Variants in HSD17B2 observed in about 807,000 individuals in gnomAD.
The protein encoded by HSD17B2 is hydroxysteroid 17-beta dehydrogenase 2.
A neutral mutation model predicts 26.9 loss-of-function variants in HSD17B2; 32 were observed. The observed-to-expected ratio is 1.19, with a 90% CI of 0.90 to 1.60. HSD17B2 has a LOEUF of 1.60. HSD17B2 is among the 40% of genes most tolerant of loss of function. HSD17B2 has a pLI of 0.00. For missense variants in HSD17B2, 613 were observed against 468.6 expected (o/e 1.31, Z -2.85); for synonymous variants, 246 against 186.7 (o/e 1.32, Z -2.59).
chr16:82,069,360 G>A (rs563237550), intron 2 of HSD17B2, among the ~76,000 whole-genome samples: 2 of 152,172 alleles, frequency 1.3e-5, no homozygotes, highest in South Asian at 4.2e-4. Flanking sequence ...TTGTGACTAG[G>A]GCTGCAACGA....
rs1218131025 is a variant in HSD17B2 at position 82,071,136 on chromosome 16, G to C, written c.664+9G>C. Reference sequence around the variant, plus strand: ...TGTCAGCAGCATGGGAGGTGAGTCAGCATTTTCACACATGGTCATGGGGTG... The same window carrying C: ...TGTCAGCAGCATGGGAGGTGAGTCACCATTTTCACACATGGTCATGGGGTG... On this transcript the variant is annotated intron_variant, in intron 3 of 4. Transcript: ENST00000199936. 2 of 1,613,622 alleles carry C rather than the reference G, an allele frequency of 1.2e-6. No homozygotes were observed.
chr16:82,073,615 C>T (rs1033979354), intron 3 of HSD17B2, among the ~76,000 whole-genome samples: 1 of 152,096 alleles, frequency 6.6e-6, no homozygotes, highest in African/African-American at 2.4e-5. Context: ...GCTGTCAGCC[C>T]TCCAGAATGC....
At chr16:82,066,230 A>G (rs1220619602) in intron 1 of HSD17B2, among the ~76,000 whole-genome samples, 6 of 152,222 alleles carry the variant, frequency 3.9e-5, no homozygotes, top group Non-Finnish European at 2.9e-5. Flanking sequence ...CAGGGAGGAA[A>G]CCACTTACAC....
At chr16:82,088,080 T>C (rs865896329) in intron 3 of HSD17B2, among the ~76,000 whole-genome samples, 6 of 152,188 alleles carry the variant, frequency 3.9e-5, no homozygotes, top group Middle Eastern at 6.3e-3. Flanking sequence ...CACAAATATG[T>C]GACAAAACTC....
intron 1 of HSD17B2, among the ~76,000 whole-genome samples, chr16:82,036,565 G>A (rs1913632113): frequency 6.6e-6 from 1 of 152,006 alleles, no homozygotes; most frequent in South Asian, 2.1e-4. Flanking sequence ...GATCCTCAGG[G>A]TGAAGGCAAG....
chr16:82,057,192 CTCTTT>C (rs772816676), intron 1 of HSD17B2, among the ~76,000 whole-genome samples: 8 of 151,538 alleles, frequency 5.3e-5, no homozygotes, highest in South Asian at 2.1e-4. Flanking sequence ...TCCCCACTTT[CTCTTT>C]TCTTTTCTTT....
At chr16:82,097,084 T>A (rs891853252) in intron 4 of HSD17B2, 3 of 151,360 alleles carry the variant, frequency 2.0e-5, no homozygotes, top group African/African-American at 7.3e-5. Flanking sequence ...AGTGCAGTGG[T>A]GCAGTCATAT....
At chr16:82,042,000 T>G (rs1043583331) in intron 1 of HSD17B2, among the ~76,000 whole-genome samples, 1 of 151,684 alleles carries the variant, frequency 6.6e-6, no homozygotes, top group Non-Finnish European at 1.5e-5. Context: ...TTCTTTTCTT[T>G]TTTTTTTTTT....
intron 1 of HSD17B2, among the ~76,000 whole-genome samples, chr16:82,043,578 G>T (rs902981787): frequency 1.4e-5 from 2 of 140,860 alleles, no homozygotes; most frequent in Admixed American, 6.7e-5. Context: ...CAGCTACTCG[G>T]GAGGCTGAGG....
At chr16:82,037,568 T>C (rs939293595) in intron 1 of HSD17B2, among the ~76,000 whole-genome samples, 1 of 152,198 alleles carries the variant, frequency 6.6e-6, no homozygotes, top group East Asian at 1.9e-4. Flanking sequence ...GAAATTTATT[T>C]TGAAGACATA....
intron 1 of HSD17B2, among the ~76,000 whole-genome samples, chr16:82,061,026 T>G (rs1914424023): frequency 6.6e-6 from 1 of 152,096 alleles, no homozygotes; most frequent in Non-Finnish European, 1.5e-5. Context: ...TTTGGAAGAC[T>G]GAGGCAGGTA....
chr16:82,097,339 T>TATGTGTGTG (rs1567595538), intron 4 of HSD17B2: 1 of 95,714 alleles, frequency 1.0e-5, no homozygotes, highest in Admixed American at 1.1e-4. Context: ...TATATACACA[T>TATGTGTGTG]TATATATGTG....
chr16:82,052,273 C>A (rs1914131431), intron 1 of HSD17B2: 1 of 152,216 alleles, frequency 6.6e-6, no homozygotes, highest in Non-Finnish European at 1.5e-5. Context: ...AATTGAGAAG[C>A]TACGCCTGGA....
At chr16:82,054,983 T>C (rs142204487) in intron 1 of HSD17B2, among the ~76,000 whole-genome samples, 41 of 152,336 alleles carry the variant, frequency 2.7e-4, no homozygotes, top group South Asian at 8.3e-4. Flanking sequence ...ATGGTTCTTT[T>C]TGGTGGGGTC....
intron 1 of HSD17B2, among the ~76,000 whole-genome samples, chr16:82,049,488 C>T (rs1303379405): frequency 1.3e-5 from 2 of 152,252 alleles, no homozygotes; most frequent in African/African-American, 2.4e-5. Context: ...GATTTAACTG[C>T]ACCTTGAAGA....
rs185063552 is a variant in HSD17B2 at position 82,041,446 on chromosome 16, G to A, written c.265+5757G>A. Among the ~76,000 whole-genome samples, 11 of 152,318 alleles carry A rather than the reference G, an allele frequency of 7.2e-5. No individual in the cohort carries two copies. In the East Asian group the frequency reaches 1.9e-3, roughly 27 times the overall value. On this transcript the variant is annotated intron_variant, in intron 1 of 4. Coordinates refer to ENST00000199936, the MANE Select transcript of HSD17B2 (RefSeq NM_002153.3). ...GAGCTGTTGGAAGCTCCATTGTTCT[G>A]TAGTGACTTAATTGTTGGCTTGCCC...
chr16:82,084,801 T>C (rs908264759), intron 3 of HSD17B2, among the ~76,000 whole-genome samples: 1 of 152,196 alleles, frequency 6.6e-6, no homozygotes, highest in African/African-American at 2.4e-5. Context: ...GGCACGATAG[T>C]AGCTCTCTAT....
chr16:82,036,905 T>A (rs1459288279), intron 1 of HSD17B2, among the ~76,000 whole-genome samples: 1 of 152,200 alleles, frequency 6.6e-6, no homozygotes, highest in South Asian at 2.1e-4. Context: ...TCAATTTTCC[T>A]GTTCTGTGTC....
At chr16:82,041,793 A>T (rs1480384668) in intron 1 of HSD17B2, among the ~76,000 whole-genome samples, 1 of 151,958 alleles carries the variant, frequency 6.6e-6, no homozygotes. Flanking sequence ...TGCATTCTCT[A>T]CCCAGCAGCA....
Sources: allele counts gnomAD v4.1 joint callset (sites outside exome capture counted in the v4.1 genomes callset), GRCh38; gene constraint gnomAD v4.1.1; transcripts MANE v1.5; gene names NCBI Gene and HGNC (gene_info 2026-07-23, HGNC 2026-07-21).